Variants in ANKRD52 observed in about 807,000 individuals in gnomAD.
ANKRD52 encodes serine/threonine-protein phosphatase 6 regulatory ankyrin repeat subunit C.
ANKRD52 carries 7 observed loss-of-function variants against 116.0 expected under a neutral mutation model. The ratio of observed to expected loss-of-function variants is 0.06; its 90% CI spans 0.03 to 0.11. The LOEUF is 0.11. Among genes scored for constraint, ANKRD52 ranks in the 10% least tolerant of loss-of-function variants. The probability of loss-of-function intolerance (pLI) is 1.00; values close to 1 mark genes in which losing one functional copy is unlikely to be tolerated. For missense variants in ANKRD52, 839 were observed against 1,408.6 expected, an observed-to-expected ratio of 0.60 and a Z score of 6.47; for synonymous variants, 528 against 578.1, an observed-to-expected ratio of 0.91 and a Z score of 1.24.
Position 56,252,933 on chromosome 12 carries a change from A to T in ANKRD52, c.1184-36T>A, listed in dbSNP as rs780206186. The T allele has an allele frequency of 1.2e-6, 2 of 1,606,238 alleles. No homozygotes were observed. Among genetic ancestry groups the T allele is most frequent in the Non-Finnish European group, 1.7e-6 (2 of 1,175,792 alleles). On this transcript the variant is annotated intron_variant, in intron 11 of 27. Coordinates refer to ENST00000267116, the MANE Select transcript of ANKRD52 (RefSeq NM_173595.4). The surrounding 1 kb of genome is among the most constrained non-coding windows in gnomAD (Gnocchi z 4.7). The stretch of plus-strand genomic sequence containing the variant: ...AGAACAGCCACAGGTCACATCTGAG[A>T]GTGTTCAGCAGGGAGGGAAAGGCCT...
chr12:56,244,504 T>G lies in ANKRD52; in HGVS notation c.2723-69A>C. ...GCAGTAGCCATCCTGGCTCTCCACT[T>G]TGCATCCCGTCTGCAGATGGCGAGA... is the stretch of plus-strand genomic sequence containing the variant. On this transcript the variant is annotated intron_variant, in intron 24 of 27. Transcript: ENST00000267116. The surrounding 1 kb of genome is among the most constrained non-coding windows in gnomAD (Gnocchi z 4.9). 6.3e-7 allele frequency: 1 copy of G among 1,599,432 alleles called. No individual in the cohort carries two copies. The highest frequency in any genetic ancestry group is 8.6e-7 in the Non-Finnish European group (1 of 1,169,384).
In ANKRD52 at chr12:56,254,494, T is replaced by C. The variant is rs571057915; in HGVS notation, c.693+84A>G. 2,116 of 1,556,166 alleles carry C rather than the reference T, an allele frequency of 1.4e-3. 6 individuals are homozygous for C. The highest frequency in any genetic ancestry group is 2.4e-3 in the South Asian group (197 of 83,726). On this transcript the variant is annotated intron_variant, in intron 7 of 27. Coordinates refer to ENST00000267116, the MANE Select transcript of ANKRD52 (RefSeq NM_173595.4). This position sits in a 1 kb window ranked among gnomAD's most constrained non-coding sequence, Gnocchi z 4.6. ...CCAACTTCCCAAAACTATACCAACA[T>C]CCCAATACCTCATATCTCCGTAACA...
rs1318242408 is a variant in ANKRD52, at chr12:56,254,089, T to C, written c.884A>G (p.Asn295Ser). The change falls in exon 8 of 28, where the codon AAT (asparagine) becomes AGT (serine). Residue 295 changes from asparagine to serine, a missense_variant. By Grantham distance (46) the Asn-to-Ser change is conservative (BLOSUM62 1). Transcript: ENST00000267116. This position sits in a 1 kb window ranked among gnomAD's most constrained non-coding sequence, Gnocchi z 4.6. ...GALCLELLVN[N>S]GADVNYQSKE... is the part of the protein sequence containing the mutation. Reference sequence around the variant, plus strand: ...CACCTGGTAGTTGACGTCAGCCCCATTATTAACCAGTAGCTCCAAGCAGAG... The same window carrying C: ...CACCTGGTAGTTGACGTCAGCCCCACTATTAACCAGTAGCTCCAAGCAGAG... 7 of 1,613,500 alleles carry C rather than the reference T, an allele frequency of 4.3e-6. No homozygotes were observed. The highest frequency in any genetic ancestry group is 5.9e-6 in the Non-Finnish European group (7 of 1,179,756).
In ANKRD52 at chr12:56,243,550, CAG is replaced by C. The variant is rs1392046495; in HGVS notation, c.2981-160_2981-159del. On this transcript the variant is annotated intron_variant, in intron 27 of 27. Coordinates refer to ENST00000267116, the MANE Select transcript of ANKRD52 (RefSeq NM_173595.4). The surrounding 1 kb of genome is among the most constrained non-coding windows in gnomAD (Gnocchi z 4.6). Reference sequence around the variant, plus strand: ...ACGAGGGCCCAGGAAGGCTGACAGGCAGATTCTCTAAGTACGGGTTAAAGGGC... The same window carrying C: ...ACGAGGGCCCAGGAAGGCTGACAGGCATTCTCTAAGTACGGGTTAAAGGGC... Among the ~76,000 whole-genome samples, 1 of 152,176 alleles carries C rather than the reference CAG, an allele frequency of 6.6e-6. No individual in the cohort carries two copies. The highest frequency in any genetic ancestry group is 2.4e-5 in the African/African-American group (1 of 41,438).
Position 56,244,186 on chromosome 12 carries a change from TGCAGG to T in ANKRD52, c.2806-58_2806-54del. Reference sequence around the variant, plus strand: ...CTTGTGAAGTAGAAATGTGGCAGGGTGCAGGGCAGGAGTTGGGGAGAGTAACAGGA... The same window carrying T: ...CTTGTGAAGTAGAAATGTGGCAGGGTGCAGGAGTTGGGGAGAGTAACAGGA... On this transcript the variant is annotated intron_variant, in intron 25 of 27. Transcript: ENST00000267116. This position sits in a 1 kb window ranked among gnomAD's most constrained non-coding sequence, Gnocchi z 4.9. 6.3e-7 allele frequency: 1 copy of T among 1,597,574 alleles called. No homozygotes were observed. The highest frequency in any genetic ancestry group is 8.6e-7 in the Non-Finnish European group (1 of 1,165,250).
At chr12:56,251,255 AT>A (rs1565610624) in intron 15 of ANKRD52, among the ~76,000 whole-genome samples, 1 of 137,670 alleles carries the variant, frequency 7.3e-6, no homozygotes, top group East Asian at 2.2e-4. Context: ...TTTAATTTTA[AT>A]TTTTTTGAGA....
intron 22 of ANKRD52, 44 bp from the exon 23 acceptor site, chr12:56,245,033 GTAGAC>G (rs1443975544): frequency 1.2e-6 from 2 of 1,611,926 alleles, no homozygotes; most frequent in African/African-American, 2.7e-5. Flanking sequence ...GACAAGGGAA[GTAGAC>G]TACCTGTCCT....
Position 56,243,508 on chromosome 12 carries a change from G to A in ANKRD52, c.2981-116C>T, listed in dbSNP as rs573267988. The stretch of plus-strand genomic sequence containing the variant: ...CCAAGGCAGGCAGGTACCCAGCAGC[G>A]GCAGAATCCAAGGGTGACGAGGGCC... On this transcript the variant is annotated intron_variant, in intron 27 of 27. Coordinates refer to ENST00000267116, the MANE Select transcript of ANKRD52 (RefSeq NM_173595.4). This position sits in a 1 kb window ranked among gnomAD's most constrained non-coding sequence, Gnocchi z 4.6. The A allele has an allele frequency of 2.8e-5, 39 of 1,412,500 alleles. No individual in the cohort carries two copies. Among genetic ancestry groups the A allele is most frequent in the Non-Finnish European group, 2.9e-5 (31 of 1,053,584 alleles). 87.5% of individuals were successfully genotyped at this position (1,412,500 alleles called of 1,614,324 possible). A position where few individuals can be genotyped will look rare whatever the true frequency, so the allele number is the denominator to read the frequency against.
intron 15 of ANKRD52, among the ~76,000 whole-genome samples, chr12:56,249,819 C>T (rs552615906): frequency 2.0e-5 from 3 of 152,312 alleles, no homozygotes; most frequent in East Asian, 3.9e-4. Context: ...GCAGGTGGAT[C>T]GCCTGAGCTC....
chr12:56,247,868 A>T (rs1022982608), intron 18 of ANKRD52, 94 bp from the exon 19 acceptor site: 1 of 1,422,834 alleles, frequency 7.0e-7, no homozygotes, highest in African/African-American at 1.4e-5. Flanking sequence ...TTACAGAAAG[A>T]CCTGGGCCAG....
Position 56,241,765 on chromosome 12 carries a change from G to GCA in ANKRD52, c.*1375_*1376dup, listed in dbSNP as rs571092656. ...CTGCACTAGGAGATGGGTGGACAGA[G>GCA]CACTTAAAGGGACCAGGGCCAAATT... On this transcript the variant is annotated 3_prime_UTR_variant, in exon 28 of 28. Transcript: ENST00000267116. 500 of 382,326 alleles carry GCA rather than the reference G, an allele frequency of 1.3e-3. 1 individual carries two copies. The highest frequency in any genetic ancestry group is 2.0e-3 in the Middle Eastern group (3 of 1,492). 23.7% of individuals were successfully genotyped at this position (382,326 alleles called of 1,614,324 possible).
At chr12:56,250,057 C>T (rs1592391658) in intron 15 of ANKRD52, among the ~76,000 whole-genome samples, 1 of 151,760 alleles carries the variant, frequency 6.6e-6, no homozygotes, top group African/African-American at 2.4e-5. Flanking sequence ...ATTAGCTGGG[C>T]GTGGTGATAG....
chr12:56,242,172 T>C lies in ANKRD52; in HGVS notation c.*970A>G. The C allele has an allele frequency of 2.5e-6, 1 of 398,628 alleles. No individual in the cohort carries two copies. Among genetic ancestry groups the C allele is most frequent in the Non-Finnish European group, 4.4e-6 (1 of 226,078 alleles). The allele number at this position is 398,628 out of a possible 1,614,324, so 24.7% of individuals were successfully genotyped here. A position where few individuals can be genotyped will look rare whatever the true frequency, so the allele number is the denominator to read the frequency against. On this transcript the variant is annotated 3_prime_UTR_variant, in exon 28 of 28. Coordinates refer to ENST00000267116, the MANE Select transcript of ANKRD52 (RefSeq NM_173595.4). The surrounding 1 kb of genome is among the most constrained non-coding windows in gnomAD (Gnocchi z 4.3). ...AGGAAGAACATGGTCCCTCCCTCCA[T>C]ATACATGCAAACACATGCCTGAAAC... is the stretch of plus-strand genomic sequence containing the variant.
Position 56,248,163 on chromosome 12 carries a change from A to G in ANKRD52, c.1838T>C (p.Val613Ala). 1 of 1,613,944 alleles carries G rather than the reference A, an allele frequency of 6.2e-7. No individual in the cohort carries two copies. The highest frequency in any genetic ancestry group is 8.5e-7 in the Non-Finnish European group (1 of 1,179,892). The part of the protein sequence containing the change: ...TLAETLVNLD[V>A]RDHKGRTALF... The stretch of plus-strand genomic sequence containing the variant: ...TGCGGTCCGGCCCTTGTGGTCCCTT[A>G]CGTCCAGATTCACCAGCGTCTCCGC... The change falls in exon 18 of 28, where the codon GTA becomes GCA. Residue 613 changes from valine (V) to alanine (A), a missense_variant. Val to Ala is a moderately conservative substitution (Grantham distance 64). This residue lies in a region of ANKRD52 where 552 missense variants were observed against 810.6 expected (regional missense o/e 0.68). Coordinates refer to ENST00000267116, the MANE Select transcript of ANKRD52 (RefSeq NM_173595.4). The surrounding 1 kb of genome is among the most constrained non-coding windows in gnomAD (Gnocchi z 5.1).
At position 56,243,688 on chromosome 12, in the gene ANKRD52, A is replaced by T. The variant is rs1871267504; in HGVS notation, c.2980+97T>A. 1 of 1,300,260 alleles carries T rather than the reference A, an allele frequency of 7.7e-7. No individual in the cohort carries two copies. The highest frequency in any genetic ancestry group is 1.5e-5 in the African/African-American group (1 of 67,288). 80.5% of individuals were successfully genotyped at this position (1,300,260 alleles called of 1,614,324 possible). Reference sequence around the variant, plus strand: ...CCTGCTCTGAAGAGTTCCCTTGGGAAGAAAATCCCATGTATAGCAAGATTA... The same window carrying T: ...CCTGCTCTGAAGAGTTCCCTTGGGATGAAAATCCCATGTATAGCAAGATTA... On this transcript the variant is annotated intron_variant, in intron 27 of 27. Coordinates refer to ENST00000267116, the MANE Select transcript of ANKRD52 (RefSeq NM_173595.4). This position sits in a 1 kb window ranked among gnomAD's most constrained non-coding sequence, Gnocchi z 4.6.
At chr12:56,251,956 G>T in intron 15 of ANKRD52, 59 bp downstream of exon 15, 1 of 1,560,644 alleles carries the variant, frequency 6.4e-7, no homozygotes. Flanking sequence ...GAGGACAGTA[G>T]GGCCAGAGCT....
chr12:56,243,827 G>A lies in ANKRD52; in HGVS notation c.2938C>T (p.Leu980=). ...RNGLASVVQA[L]LSHGATVLAV... is the part of the protein sequence containing the mutation. ...AGCACTGTGGCCCCATGACTCAGCA[G>A]GGCCTGTACCACAGAAGCTAGACCA... is the stretch of plus-strand genomic sequence containing the variant. Residue 980 remains leucine (L), a synonymous_variant, in exon 27 of 28, where the codon CTG becomes TTG. Coordinates refer to ENST00000267116, the MANE Select transcript of ANKRD52 (RefSeq NM_173595.4). This position sits in a 1 kb window ranked among gnomAD's most constrained non-coding sequence, Gnocchi z 4.6. 6.4e-7 allele frequency: 1 copy of A among 1,566,140 alleles called. No homozygotes were observed. Among genetic ancestry groups the A allele is most frequent in the Non-Finnish European group, 8.7e-7 (1 of 1,155,128 alleles).
chr12:56,244,838 T>C lies in ANKRD52; in HGVS notation c.2577-41A>G, dbSNP rs1164024293. 6.2e-7 allele frequency: 1 copy of C among 1,613,144 alleles called. No individual in the cohort carries two copies. Among genetic ancestry groups the C allele is most frequent in the Admixed American group, 1.7e-5 (1 of 59,944 alleles). On this transcript the variant is annotated intron_variant, in intron 23 of 27. Transcript: ENST00000267116. This position sits in a 1 kb window ranked among gnomAD's most constrained non-coding sequence, Gnocchi z 4.9. ...CAGGGTAGATTAAAATAGGGAAGAG[T>C]ATACTGCCCAAGCAGAAAGGGGAAG... is the stretch of plus-strand genomic sequence containing the variant.
rs77616007 is a variant in ANKRD52, at chr12:56,255,030, C to T, written c.463-78G>A. ...CTACCTAAGAGCAGAGGCCTCATCT[C>T]CTGAAAAGGCTGAGGCAGCCTAATG... is the stretch of plus-strand genomic sequence containing the variant. On this transcript the variant is annotated intron_variant, in intron 5 of 27. Coordinates refer to ENST00000267116, the MANE Select transcript of ANKRD52 (RefSeq NM_173595.4). The surrounding 1 kb of genome is among the most constrained non-coding windows in gnomAD (Gnocchi z 4.3). 13,021 of 1,467,246 alleles carry T rather than the reference C, an allele frequency of 8.9e-3. 87 individuals are homozygous for T. The highest frequency in any genetic ancestry group is 0.01 in the Admixed American group (599 of 57,524). 90.9% of individuals were successfully genotyped at this position (1,467,246 alleles called of 1,614,324 possible).
Sources: allele counts gnomAD v4.1 joint callset (sites outside exome capture counted in the v4.1 genomes callset), GRCh38; gene constraint gnomAD v4.1.1; regional missense constraint gnomAD v4.1.1; non-coding constraint Gnocchi (gnomAD v3.1); transcripts MANE v1.5; gene names NCBI Gene and HGNC (gene_info 2026-07-23, HGNC 2026-07-21).